Variants in NXPH1 observed in about 807,000 individuals in gnomAD.
The protein encoded by NXPH1 is neurexophilin-1.
In NXPH1, 5 loss-of-function variants were observed where a neutral mutation model predicts 23.7. That is an observed-to-expected ratio of 0.21 (90% CI 0.11 to 0.44). The LOEUF is 0.44. Among genes scored for constraint, NXPH1 ranks in the 20% least tolerant of loss-of-function variants. NXPH1 has a pLI of 0.99. For synonymous variants in NXPH1, 144 were observed against 122.2 expected (o/e 1.18, Z -1.18); for missense variants, 324 against 321.6 (o/e 1.01, Z -0.06).
At chr7:8,564,322 T>C (rs1248080819) in intron 2 of NXPH1, among the ~76,000 whole-genome samples, 1 of 151,846 alleles carries the variant, frequency 6.6e-6, no homozygotes, top group Non-Finnish European at 1.5e-5. Flanking sequence ...TCATGCCTAA[T>C]CTAAATAGTT....
At chr7:8,655,400 TTCTCTCTCTCTCTCTC>T (rs869162322) in intron 2 of NXPH1, among the ~76,000 whole-genome samples, 8 of 42,894 alleles carry the variant, frequency 1.9e-4, no homozygotes, top group South Asian at 1.9e-3. Flanking sequence ...GTCTTTGTCT[TTCTCTCTCTCTCTCTC>T]TCTCTCTCTC....
At chr7:8,735,322 A>G (rs879106964) in intron 2 of NXPH1, among the ~76,000 whole-genome samples, 16 of 152,124 alleles carry the variant, frequency 1.1e-4, no homozygotes, top group African/African-American at 3.6e-4. Flanking sequence ...TTCCATCAAT[A>G]CCTAGTTTAT....
chr7:8,709,579 G>C (rs1182596609), intron 2 of NXPH1, among the ~76,000 whole-genome samples: 1 of 151,978 alleles, frequency 6.6e-6, no homozygotes, highest in Non-Finnish European at 1.5e-5. Flanking sequence ...ACACTATACT[G>C]TACTTACTGA....
rs745392253 is a variant in NXPH1 at position 8,751,110 on chromosome 7, T to G, written c.157T>G (p.Leu53Val). 26 of 1,613,670 alleles carry G rather than the reference T, an allele frequency of 1.6e-5. No homozygotes were observed. Among genetic ancestry groups the G allele is most frequent in the Non-Finnish European group, 2.1e-5 (25 of 1,179,782 alleles). The change falls in exon 3 of 3, where the codon TTG becomes GTG. Residue 53 changes from leucine to valine, a missense_variant. By Grantham distance (32) the Leu-to-Val change is conservative (BLOSUM62 1). Transcript: ENST00000405863. This position sits in a 1 kb window ranked among gnomAD's most constrained non-coding sequence, Gnocchi z 4.5. ...KHIWTESSKDLSISRLLSQTF... is the reference protein window; with the variant it reads ...KHIWTESSKDVSISRLLSQTF... ...CATATGGACAGAAAGCAGCAAAGACTTGTCTATCAGCCGACTCCTGTCACA... is the reference window on the plus strand; with the variant it reads ...CATATGGACAGAAAGCAGCAAAGACGTGTCTATCAGCCGACTCCTGTCACA...
intron 2 of NXPH1, among the ~76,000 whole-genome samples, chr7:8,540,304 G>A (rs570462932): frequency 1.3e-5 from 2 of 151,724 alleles, no homozygotes; most frequent in East Asian, 1.9e-4. Context: ...TTCTGCTGTC[G>A]GTAAAAGTGA....
intron 2 of NXPH1, among the ~76,000 whole-genome samples, chr7:8,723,915 C>G (rs1780007456): frequency 6.6e-6 from 1 of 152,108 alleles, no homozygotes; most frequent in African/African-American, 2.4e-5. Flanking sequence ...GAAAAGTAGC[C>G]AACATGAAGC....
chr7:8,541,898 T>C (rs1818123570), intron 2 of NXPH1, among the ~76,000 whole-genome samples: 1 of 151,482 alleles, frequency 6.6e-6, no homozygotes, highest in African/African-American at 2.4e-5. Context: ...GTAACAAAAA[T>C]ATTTAGTTAA....
chr7:8,457,479 G>A (rs1449520153), intron 2 of NXPH1, among the ~76,000 whole-genome samples: 1 of 151,632 alleles, frequency 6.6e-6, no homozygotes. Context: ...AAAACCGAGG[G>A]TCTAGTCACA....
intron 2 of NXPH1, among the ~76,000 whole-genome samples, chr7:8,498,445 C>A (rs542848395): frequency 1.3e-5 from 2 of 151,882 alleles, no homozygotes; most frequent in Non-Finnish European, 2.9e-5. Context: ...CTATTTTTTC[C>A]CCCTACTTTT....
At chr7:8,711,361 A>AT (rs763818932) in intron 2 of NXPH1, among the ~76,000 whole-genome samples, 49 of 152,226 alleles carry the variant, frequency 3.2e-4, no homozygotes, top group Admixed American at 7.2e-4. Context: ...AAAATAGTAT[A>AT]TTTTTTTCAT....
rs1239580176 is a variant in NXPH1, at chr7:8,466,247, T to A, written c.54+30480T>A. Among the ~76,000 whole-genome samples the A allele has an allele frequency of 2.6e-5, 4 of 152,172 alleles. No homozygotes were observed. In the South Asian group the frequency reaches 8.3e-4, roughly 31 times the overall value. On this transcript the variant is annotated intron_variant, in intron 2 of 2. Transcript: ENST00000405863. ...GAGCTTTTGAATTTGCTTTGTTAAA[T>A]CTTGAAAATGGCATTAAGCAGCTAA...
intron 2 of NXPH1, among the ~76,000 whole-genome samples, chr7:8,497,415 A>T (rs1296792365): frequency 6.6e-6 from 1 of 152,084 alleles, no homozygotes; most frequent in Non-Finnish European, 1.5e-5. Flanking sequence ...TTTCTAGTTC[A>T]AGATCCTTGA....
chr7:8,517,925 G>A (rs1477230758), intron 2 of NXPH1, among the ~76,000 whole-genome samples: 1 of 152,128 alleles, frequency 6.6e-6, no homozygotes, highest in Non-Finnish European at 1.5e-5. Context: ...TTTTGAAATT[G>A]AGTTTCACAT....
intron 2 of NXPH1, among the ~76,000 whole-genome samples, chr7:8,461,563 GCT>G (rs1816694616): frequency 6.6e-6 from 1 of 151,988 alleles, no homozygotes; most frequent in African/African-American, 2.4e-5. Context: ...GGGCGCGGTG[GCT>G]CACGCCTGTA....
intron 2 of NXPH1, among the ~76,000 whole-genome samples, chr7:8,536,141 T>C (rs1818021644): frequency 6.6e-6 from 1 of 152,108 alleles, no homozygotes; most frequent in Non-Finnish European, 1.5e-5. Flanking sequence ...GCTAAGATCA[T>C]GTTGCTCTGT....
At chr7:8,500,700 C>A (rs1195209967) in intron 2 of NXPH1, among the ~76,000 whole-genome samples, 1 of 152,102 alleles carries the variant, frequency 6.6e-6, no homozygotes, top group Non-Finnish European at 1.5e-5. Context: ...ATGGCAATAA[C>A]ACTGTCTGTA....
intron 2 of NXPH1, among the ~76,000 whole-genome samples, chr7:8,692,693 T>A (rs1205594596): frequency 1.3e-5 from 2 of 152,194 alleles, no homozygotes; most frequent in Admixed American, 1.3e-4. Context: ...GACTGGGTGC[T>A]TTGTGTTAGT....
At chr7:8,726,963 G>C (rs1780066858) in intron 2 of NXPH1, among the ~76,000 whole-genome samples, 1 of 148,782 alleles carries the variant, frequency 6.7e-6, no homozygotes, top group Non-Finnish European at 1.5e-5. Context: ...CAGTGTAAAA[G>C]TGTTCCTATT....
intron 2 of NXPH1, among the ~76,000 whole-genome samples, chr7:8,461,907 C>T (rs1010878775): frequency 6.6e-6 from 1 of 150,610 alleles, no homozygotes. Flanking sequence ...CACCATTTAA[C>T]ACAAATGGAG....
Sources: allele counts gnomAD v4.1 joint callset (sites outside exome capture counted in the v4.1 genomes callset), GRCh38; gene constraint gnomAD v4.1.1; non-coding constraint Gnocchi (gnomAD v3.1); transcripts MANE v1.5; gene names NCBI Gene and HGNC (gene_info 2026-07-23, HGNC 2026-07-21).